The following NFASC variants were observed in gnomAD, a reference collection of about 807,000 sequenced individuals.
NFASC encodes the protein neurofascin, also known as neurofascin homolog.
A neutral mutation model predicts 147.5 loss-of-function variants in NFASC; 43 were observed. That is an observed-to-expected ratio of 0.29 (90% confidence interval 0.23 to 0.38). The LOEUF (loss-of-function observed/expected upper bound fraction) is 0.38. NFASC is among the 10% of genes least tolerant of loss of function. The probability of loss-of-function intolerance (pLI) is 1.00; values close to 1 mark genes in which losing one functional copy is unlikely to be tolerated. For synonymous variants in NFASC, 622 were observed against 665.5 expected (o/e 0.93, Z 1.01); for missense variants, 1,320 against 1,689.0 (o/e 0.78, Z 3.83).
At position 204,986,127 on chromosome 1, in the gene NFASC, T is replaced by G; in HGVS notation, c.2471-1291T>G. 2.5e-6 allele frequency: 4 copies of G among 1,602,998 alleles called. No homozygotes were observed. The highest frequency in any genetic ancestry group is 3.4e-6 in the Non-Finnish European group (4 of 1,169,878). Reference sequence around the variant, plus strand: ...ACCCCGGAAGGAGGTAGGTCTGGCCTGCAGCTCTTCAGGGTGGGGCAGGAG... The same window carrying G: ...ACCCCGGAAGGAGGTAGGTCTGGCCGGCAGCTCTTCAGGGTGGGGCAGGAG... On this transcript the variant is annotated intron_variant, in intron 21 of 29. Transcript: ENST00000339876. This position sits in a 1 kb window ranked among gnomAD's most constrained non-coding sequence, Gnocchi z 4.2.
chr1:204,975,847 C>G lies in NFASC; in HGVS notation c.1706+429C>G, dbSNP rs149529459. On this transcript the variant is annotated intron_variant, in intron 15 of 29. Transcript: ENST00000339876. The surrounding 1 kb of genome is among the most constrained non-coding windows in gnomAD (Gnocchi z 4.0). ...AGGGCAGGGTTGATCTGAGCCAGCTCTCAGCCCTGACTGAACCTGGCATGC... is the reference window on the plus strand; with the variant it reads ...AGGGCAGGGTTGATCTGAGCCAGCTGTCAGCCCTGACTGAACCTGGCATGC... Among the ~76,000 whole-genome samples the G allele has an allele frequency of 8.2e-4, 125 of 152,294 alleles. 1 individual carries two copies. In the East Asian group the frequency reaches 0.019, roughly 24 times the overall value.
intron 2 of NFASC, among the ~76,000 whole-genome samples, chr1:204,940,187 T>C (rs2093260024): frequency 1.3e-5 from 2 of 152,340 alleles, no homozygotes; most frequent in South Asian, 4.1e-4. Flanking sequence ...GCGCGATGGC[T>C]CACACCTATA....
rs1574366267 is a variant in NFASC at position 205,000,891 on chromosome 1, C to T, written c.3020-279C>T. 5 of 498,546 alleles carry T rather than the reference C, an allele frequency of 1.0e-5. No homozygotes were observed. In the East Asian group the frequency reaches 1.9e-4, roughly 19 times the overall value. The allele number at this position is 498,546 out of a possible 1,614,324, so 30.9% of individuals were successfully genotyped here. A position where few individuals can be genotyped will look rare whatever the true frequency, so the allele number is the denominator to read the frequency against. The stretch of plus-strand genomic sequence containing the variant: ...CTAACGCTACCTATGTGGACACAGT[C>T]AGTTTCCAGCTCTCCCTCCGAAGTC... On this transcript the variant is annotated intron_variant, in intron 25 of 29. Coordinates refer to ENST00000339876, the MANE Select transcript of NFASC (RefSeq NM_001005388.3).
intron 1 of NFASC, among the ~76,000 whole-genome samples, chr1:204,906,738 A>T (rs1209960609): frequency 3.3e-5 from 5 of 149,988 alleles, no homozygotes. Flanking sequence ...GCTGGAGTGC[A>T]GTGGCGCGAT....
Position 204,987,318 on chromosome 1 carries a change from A to G in NFASC, c.2471-100A>G. On this transcript the variant is annotated intron_variant, in intron 21 of 29. Coordinates refer to ENST00000339876, the MANE Select transcript of NFASC (RefSeq NM_001005388.3). This position sits in a 1 kb window ranked among gnomAD's most constrained non-coding sequence, Gnocchi z 4.4. Reference sequence around the variant, plus strand: ...GCAGTGTCGAGCATGGGGGTTGTCCAGAGGTCAATGCCTTCATACTTGTGC... The same window carrying G: ...GCAGTGTCGAGCATGGGGGTTGTCCGGAGGTCAATGCCTTCATACTTGTGC... 3 of 1,177,210 alleles carry G rather than the reference A, an allele frequency of 2.5e-6. No homozygotes were observed. Among genetic ancestry groups the G allele is most frequent in the East Asian group, 5.1e-5 (2 of 39,118 alleles). The allele number at this position is 1,177,210 out of a possible 1,614,324, so 72.9% of individuals were successfully genotyped here. A position where few individuals can be genotyped will look rare whatever the true frequency, so the allele number is the denominator to read the frequency against.
intron 1 of NFASC, among the ~76,000 whole-genome samples, chr1:204,895,148 C>G (rs2083149098): frequency 6.6e-6 from 1 of 152,146 alleles, no homozygotes; most frequent in Non-Finnish European, 1.5e-5. Context: ...TTTACACAAA[C>G]TTTCCTCTCC....
Position 204,968,156 on chromosome 1 carries a change from G to A in NFASC, c.707-93G>A. 1 of 893,934 alleles carries A rather than the reference G, an allele frequency of 1.1e-6. No individual in the cohort carries two copies. The highest frequency in any genetic ancestry group is 1.4e-5 in the South Asian group (1 of 70,474). 55.4% of individuals were successfully genotyped at this position (893,934 alleles called of 1,614,324 possible). A position where few individuals can be genotyped will look rare whatever the true frequency, so the allele number is the denominator to read the frequency against. On this transcript the variant is annotated intron_variant, in intron 8 of 29. Transcript: ENST00000339876. The surrounding 1 kb of genome is among the most constrained non-coding windows in gnomAD (Gnocchi z 5.4). ...CAGCTGGGAGGATCCGGCAGGGGCGGTGATGCCACTTCTCTCTAGCCTGAC... is the reference window on the plus strand; with the variant it reads ...CAGCTGGGAGGATCCGGCAGGGGCGATGATGCCACTTCTCTCTAGCCTGAC...
chr1:204,967,970 T>TATCATTAAAAAAGG, intron 8 of NFASC: 1 of 337,672 alleles, frequency 3.0e-6, no homozygotes, highest in Non-Finnish European at 5.6e-6. Flanking sequence ...CCCCTCCCCG[T>TATCATTAAAAAAGG]TCCAGGGAAG....
At chr1:204,957,939 A>G (rs371782581) in intron 8 of NFASC, 113 bp downstream of exon 8, 2 of 962,440 alleles carry the variant, frequency 2.1e-6, no homozygotes, top group Middle Eastern at 2.5e-4. Context: ...AGGCTGACCT[A>G]GAAATCCTTC....
At chr1:204,830,006 GGTGTGTGTGTGT>G (rs58294218) in intron 1 of NFASC, among the ~76,000 whole-genome samples, 13 of 144,100 alleles carry the variant, frequency 9.0e-5, no homozygotes, top group South Asian at 2.3e-4. Flanking sequence ...TTTGGCATGG[GGTGTGTGTGTGT>G]GTGTGTGTGT....
intron 1 of NFASC, among the ~76,000 whole-genome samples, chr1:204,894,388 CATTTTTAGGGGATGGGGTTCCTTGTA>C (rs2082996151): frequency 6.6e-6 from 1 of 152,196 alleles, no homozygotes; most frequent in African/African-American, 2.4e-5. Flanking sequence ...CTTCCATACT[CATTTTTAGGGGATGGGGTTCCTTGTA>C]ATTTAGTTTC....
At chr1:204,892,662 TAATAGTTCTC>T (rs1291141194) in intron 1 of NFASC, among the ~76,000 whole-genome samples, 1 of 152,282 alleles carries the variant, frequency 6.6e-6, no homozygotes, top group Admixed American at 6.5e-5. Flanking sequence ...ACTATCTCGT[TAATAGTTCTC>T]GATAGTTCTT....
chr1:205,014,137 A>G (rs1297348857), intron 29 of NFASC, among the ~76,000 whole-genome samples: 1 of 152,106 alleles, frequency 6.6e-6, no homozygotes, highest in Non-Finnish European at 1.5e-5. Context: ...CCTCCAATAC[A>G]AGGCTGGGCA....
Position 204,981,788 on chromosome 1 carries a change from C to T in NFASC, c.2248-10C>T. 6.5e-7 allele frequency: 1 copy of T among 1,531,308 alleles called. No individual in the cohort carries two copies. Among genetic ancestry groups the T allele is most frequent in the Non-Finnish European group, 8.8e-7 (1 of 1,133,598 alleles). The allele number at this position is 1,531,308 out of a possible 1,614,324, so 94.9% of individuals were successfully genotyped here. ...GGCAGCCTCTCCAGCCTGTCTGTCC[C>T]TCTGCCCAGCCCATGAATGCCACCT... On this transcript the variant is annotated splice_polypyrimidine_tract_variant and intron_variant, in intron 20 of 29. Coordinates refer to ENST00000339876, the MANE Select transcript of NFASC (RefSeq NM_001005388.3).
chr1:204,861,890 G>A (rs1444580170), intron 1 of NFASC, among the ~76,000 whole-genome samples: 7 of 152,188 alleles, frequency 4.6e-5, no homozygotes, highest in Non-Finnish European at 1.5e-5. Flanking sequence ...AGCCACTTTT[G>A]GTTGGTTTCT....
At position 204,927,324 on chromosome 1, in the gene NFASC, A is replaced by G. The variant is rs114015018; in HGVS notation, c.-91+6584A>G. ...GGACATTTCATATAAATGGAATCAT[A>G]CAATATGCGGTCTTTGTGTCTGGCT... On this transcript the variant is annotated intron_variant, in intron 2 of 29. Transcript: ENST00000339876. Among the ~76,000 whole-genome samples the G allele has an allele frequency of 2.4e-4, 36 of 152,300 alleles. 1 individual carries two copies. Among genetic ancestry groups the G allele is most frequent in the African/African-American group, 7.2e-4 (30 of 41,566 alleles).
intron 1 of NFASC, among the ~76,000 whole-genome samples, chr1:204,830,006 GGTGTGT>G (rs58294218): frequency 0.016 from 2,241 of 143,354 alleles, 16 homozygotes; most frequent in African/African-American, 0.029. Flanking sequence ...TTTGGCATGG[GGTGTGT>G]GTGTGTGTGT....
chr1:205,001,483 G>T (rs1340859468), intron 26 of NFASC, among the ~76,000 whole-genome samples, 197 bp downstream of exon 26: 1 of 152,184 alleles, frequency 6.6e-6, no homozygotes, highest in Non-Finnish European at 1.5e-5. Context: ...CAAGGAAAAG[G>T]AAGGGGGCTT....
At position 204,908,348 on chromosome 1, in the gene NFASC, T is replaced by C. The variant is rs1038009614; in HGVS notation, c.-199-12284T>C. On this transcript the variant is annotated intron_variant, in intron 1 of 29. Coordinates refer to ENST00000339876, the MANE Select transcript of NFASC (RefSeq NM_001005388.3). Reference sequence around the variant, plus strand: ...CTTTATGTGGTAGTAGATTTTTTTTTCCTAATTTGTTTATGCTTTAACTAA... The same window carrying C: ...CTTTATGTGGTAGTAGATTTTTTTTCCCTAATTTGTTTATGCTTTAACTAA... 5.3e-5 allele frequency among the ~76,000 whole-genome samples: 8 copies of C among 152,162 alleles called. No homozygotes were observed. The East Asian group carries it at 1.2e-3, about 22-fold the overall frequency.
Sources: allele counts gnomAD v4.1 joint callset (sites outside exome capture counted in the v4.1 genomes callset), GRCh38; gene constraint gnomAD v4.1.1; non-coding constraint Gnocchi (gnomAD v3.1); transcripts MANE v1.5; gene names NCBI Gene and HGNC (gene_info 2026-07-23, HGNC 2026-07-21).